Variants in TRPM6 observed in about 807,000 individuals in gnomAD.
TRPM6 encodes transient receptor potential cation channel subfamily M member 6, also known as channel kinase 2.
Under a neutral mutation model 247.6 loss-of-function variants are expected in TRPM6, and 111 were observed. That is an observed-to-expected ratio of 0.45 (90% CI 0.38 to 0.52). The LOEUF is 0.52. Ranked by LOEUF, TRPM6 falls within the 20% of genes least tolerant of loss-of-function variation. TRPM6 has a pLI of 0.00. For synonymous variants in TRPM6, 892 were observed against 853.8 expected (o/e 1.04, Z -0.78); for missense variants, 2,126 against 2,421.5 (o/e 0.88, Z 2.56).
chr9:74,757,125 C>T (rs1287200849), intron 27 of TRPM6, among the ~76,000 whole-genome samples: 1 of 150,132 alleles, frequency 6.7e-6, no homozygotes, highest in African/African-American at 2.5e-5. Flanking sequence ...ATGCAGTGAG[C>T]CAACATGGTG....
chr9:74,780,323 A>G (rs1007671743), intron 23 of TRPM6, among the ~76,000 whole-genome samples: 1 of 152,018 alleles, frequency 6.6e-6, no homozygotes, highest in African/African-American at 2.4e-5. Context: ...GGTGTGTGGC[A>G]CACACCTGCA....
intron 1 of TRPM6, among the ~76,000 whole-genome samples, chr9:74,866,145 A>G (rs991768354): frequency 3.3e-5 from 5 of 152,226 alleles, no homozygotes; most frequent in African/African-American, 1.2e-4. Context: ...ACGTCCAATA[A>G]TATAAAAAAT....
chr9:74,815,368 A>C (rs1828889938), intron 11 of TRPM6, among the ~76,000 whole-genome samples: 1 of 152,204 alleles, frequency 6.6e-6, no homozygotes, highest in African/African-American at 2.4e-5. Context: ...AAATTTCTGT[A>C]GGAAAAAATA....
chr9:74,817,021 T>C, intron 9 of TRPM6, 57 bp from the exon 10 acceptor site: 1 of 1,409,784 alleles, frequency 7.1e-7, no homozygotes. Context: ...ATAAATGCTT[T>C]CAAAGAGTAC....
At position 74,785,117 on chromosome 9, in the gene TRPM6, GATA is replaced by G. The variant is rs377027600; in HGVS notation, c.2919+754_2919+756del. ...GCAAGACCCTGTCTCACATAATGAT[GATA>G]ATAATAATAATAATTTCGAAAGTTA... On this transcript the variant is annotated intron_variant, in intron 21 of 38. Transcript: ENST00000360774. Among the ~76,000 whole-genome samples the G allele has an allele frequency of 1.9e-3, 289 of 151,928 alleles. 4 individuals carry two copies. Among genetic ancestry groups the G allele is most frequent in the South Asian group, 9.2e-3 (44 of 4,800 alleles).
intron 20 of TRPM6, among the ~76,000 whole-genome samples, chr9:74,787,400 C>A (rs17060477): frequency 6.6e-6 from 1 of 151,564 alleles, no homozygotes; most frequent in African/African-American, 2.4e-5. Context: ...GAAAATACCC[C>A]TGAAACACCG....
intron 23 of TRPM6, among the ~76,000 whole-genome samples, chr9:74,777,973 T>A (rs1489144146): frequency 6.6e-6 from 1 of 152,242 alleles, no homozygotes; most frequent in African/African-American, 2.4e-5. Context: ...AACACTGATG[T>A]GTAGCTAGCA....
chr9:74,839,870 GA>G (rs1829859474), intron 5 of TRPM6, among the ~76,000 whole-genome samples, 153 bp downstream of exon 5: 1 of 68,194 alleles, frequency 1.5e-5, no homozygotes, highest in Admixed American at 1.5e-4. Flanking sequence ...AGGAAGGAAG[GA>G]AGGAAGGAAG....
At chr9:74,876,977 C>G (rs544856407) in intron 1 of TRPM6, among the ~76,000 whole-genome samples, 1 of 152,280 alleles carries the variant, frequency 6.6e-6, no homozygotes, top group East Asian at 1.9e-4. Flanking sequence ...GTCGAATAAA[C>G]CCATGAAAAG....
At chr9:74,822,090 C>CA (rs911845911) in intron 7 of TRPM6, among the ~76,000 whole-genome samples, 1 of 151,936 alleles carries the variant, frequency 6.6e-6, no homozygotes, top group Non-Finnish European at 1.5e-5. Context: ...AATAATTTTT[C>CA]AAAAAAATAA....
At chr9:74,766,164 C>A (rs1195983517) in intron 25 of TRPM6, among the ~76,000 whole-genome samples, 2 of 152,196 alleles carry the variant, frequency 1.3e-5, no homozygotes, top group Admixed American at 1.3e-4. Flanking sequence ...TAGAAACCAG[C>A]AACTATTCAC....
rs752818146 is a variant in TRPM6, at chr9:74,782,654, C to T, written c.3094+25G>A. ...GTTAACTATGAAGGCACAATTTCTG[C>T]ATGACGGTAAAATCCCATACACACC... On this transcript the variant is annotated intron_variant, in intron 22 of 38. Transcript: ENST00000360774. The T allele has an allele frequency of 6.2e-6, 10 of 1,612,876 alleles. No individual in the cohort carries two copies. The South Asian group carries it at 9.9e-5, about 16-fold the overall frequency.
chr9:74,866,744 G>A (rs541732492), intron 1 of TRPM6, among the ~76,000 whole-genome samples: 32 of 152,276 alleles, frequency 2.1e-4, no homozygotes, highest in South Asian at 8.3e-4. Flanking sequence ...GTCTCCCAAA[G>A]TGCAGGGATT....
intron 20 of TRPM6, among the ~76,000 whole-genome samples, chr9:74,787,514 A>G (rs1240171275): frequency 6.6e-6 from 1 of 152,162 alleles, no homozygotes; most frequent in East Asian, 1.9e-4. Flanking sequence ...GATTTTCTAT[A>G]ATCTATAAAC....
At chr9:74,738,376 T>C in intron 36 of TRPM6, 31 bp downstream of exon 36, 10 of 1,611,470 alleles carry the variant, frequency 6.2e-6, no homozygotes, top group Non-Finnish European at 8.5e-6. Flanking sequence ...TGCCTCATGC[T>C]TGTTGTATCA....
At chr9:74,823,877 T>A (rs1439338715) in intron 7 of TRPM6, among the ~76,000 whole-genome samples, 1 of 152,098 alleles carries the variant, frequency 6.6e-6, no homozygotes, top group Non-Finnish European at 1.5e-5. Flanking sequence ...AGAAGCATTA[T>A]GAAATCACCC....
chr9:74,727,032 C>T lies in TRPM6; in HGVS notation c.5935+1207G>A, dbSNP rs538158999. 2.6e-5 allele frequency among the ~76,000 whole-genome samples: 4 copies of T among 152,220 alleles called. No individual in the cohort carries two copies. In the South Asian group the frequency reaches 8.3e-4, roughly 32 times the overall value. On this transcript the variant is annotated intron_variant, in intron 38 of 38. Coordinates refer to ENST00000360774, the MANE Select transcript of TRPM6 (RefSeq NM_017662.5). ...TTTTGATCTCCCCACCCCTGGCTGA[C>T]CACTATATTCCCAGTGGAACTGGAA...
rs1563990880 is a variant in TRPM6 at position 74,739,459 on chromosome 9, A to T, written c.5488-10T>A. 3 of 1,612,128 alleles carry T rather than the reference A, an allele frequency of 1.9e-6. No homozygotes were observed. The highest frequency in any genetic ancestry group is 2.2e-5 in the East Asian group (1 of 44,850). On this transcript the variant is annotated splice_polypyrimidine_tract_variant and intron_variant, in intron 34 of 38. Transcript: ENST00000360774. ...TTTGTTGTTGAATTTCCTACAAAAT[A>T]GGGAGCACTGATAAAAATACTGATT... is the stretch of plus-strand genomic sequence containing the variant.
chr9:74,847,572 C>T (rs774741440), intron 3 of TRPM6, among the ~76,000 whole-genome samples: 1 of 151,948 alleles, frequency 6.6e-6, no homozygotes, highest in Non-Finnish European at 1.5e-5. Context: ...TGGTATACAA[C>T]CCCCCACTGC....
Sources: gnomAD v4.1 joint callset for allele counts (sites outside exome capture counted in the v4.1 genomes callset) on GRCh38, gnomAD v4.1.1 for gene constraint, MANE v1.5 for transcripts, NCBI Gene and HGNC (gene_info 2026-07-23, HGNC 2026-07-21) for gene names.